C9orf43: variants seen among roughly 807,000 people sequenced by gnomAD.
The protein encoded by C9orf43 is chromosome 9 open reading frame 43, also known as uncharacterized protein C9orf43.
A neutral mutation model predicts 59.1 loss-of-function variants in C9orf43; 45 were observed. That is an observed-to-expected ratio of 0.76 (90% CI 0.60 to 0.98). The LOEUF (loss-of-function observed/expected upper bound fraction) is 0.98. Among genes scored for constraint, C9orf43 ranks in the 50% least tolerant of loss-of-function variants. C9orf43 has a pLI of 0.00. For missense variants in C9orf43, 533 were observed against 554.9 expected, an observed-to-expected ratio of 0.96 and a Z score of 0.40; for synonymous variants, 203 against 196.8, an observed-to-expected ratio of 1.03 and a Z score of -0.26.
At chr9:113,424,480 G>A (rs1361710912) in intron 8 of C9orf43, among the ~76,000 whole-genome samples, 164 bp downstream of exon 8, 6 of 151,434 alleles carry the variant, frequency 4.0e-5, no homozygotes, top group Non-Finnish European at 8.8e-5. Context: ...AAAGCCAGTC[G>A]ATGGGGAAGT....
rs773877768 is a variant in C9orf43, at chr9:113,413,603, G to A, written c.110G>A (p.Arg37Gln). Residue 37 changes from arginine (R) to glutamine (Q), a missense_variant, in exon 2 of 14, where the codon CGA (arginine) becomes CAA (glutamine). Transcript: ENST00000374165. ...CGCCGCATTGAGAGGGGCCATCCTCGAATCCTCGGCTCATCCTGCAAAACT... is the reference window on the plus strand; with the variant it reads ...CGCCGCATTGAGAGGGGCCATCCTCAAATCCTCGGCTCATCCTGCAAAACT... ...TIRRIERGHP[R>Q]ILGSSCKTPL... 1.1e-5 allele frequency: 18 copies of A among 1,614,076 alleles called. No individual in the cohort carries two copies. The highest frequency in any genetic ancestry group is 1.6e-4 in the Middle Eastern group (1 of 6,084).
chr9:113,425,834 T>C, intron 11 of C9orf43, 104 bp downstream of exon 11: 1 of 888,442 alleles, frequency 1.1e-6, no homozygotes, highest in Non-Finnish European at 1.9e-6. Context: ...AGACCTGCCT[T>C]TGTCAGGCAC....
chr9:113,425,758 G>A, intron 11 of C9orf43, 28 bp downstream of exon 11: 2 of 1,568,616 alleles, frequency 1.3e-6, no homozygotes, highest in South Asian at 1.1e-5. Flanking sequence ...TTGGTTGGGG[G>A]TGATAGGATC....
At chr9:113,428,119 A>C (rs1445700924) in intron 11 of C9orf43, 28 bp from the exon 12 acceptor site, 2 of 1,612,250 alleles carry the variant, frequency 1.2e-6, no homozygotes, top group Non-Finnish European at 1.7e-6. Flanking sequence ...TAATAAGAGG[A>C]AGATTGAATG....
intron 6 of C9orf43, 87 bp downstream of exon 6, chr9:113,422,672 C>A (rs1351649859): frequency 6.9e-7 from 1 of 1,456,934 alleles, no homozygotes; most frequent in African/African-American, 1.4e-5. Flanking sequence ...CCACCTTACC[C>A]CCGTTCTTTC....
chr9:113,424,873 C>T (rs1423784359), intron 8 of C9orf43, 146 bp from the exon 9 acceptor site: 1 of 657,360 alleles, frequency 1.5e-6, no homozygotes. Context: ...TTTTCCCTTC[C>T]TCCGTAGCCC....
chr9:113,424,944 C>T (rs1011843365), intron 8 of C9orf43, 75 bp from the exon 9 acceptor site: 92 of 1,290,624 alleles, frequency 7.1e-5, no homozygotes, highest in Non-Finnish European at 8.1e-5. Flanking sequence ...GATGAATAAA[C>T]GCATTTGGGG....
intron 3 of C9orf43, among the ~76,000 whole-genome samples, chr9:113,417,290 TA>T (rs766563093): frequency 6.6e-6 from 1 of 152,246 alleles, no homozygotes; most frequent in Non-Finnish European, 1.5e-5. Flanking sequence ...TCTTCCAAAC[TA>T]CCCCCAGTAC....
chr9:113,427,394 C>T (rs1456442788), intron 11 of C9orf43, among the ~76,000 whole-genome samples: 1 of 152,184 alleles, frequency 6.6e-6, no homozygotes, highest in African/African-American at 2.4e-5. Context: ...TCAGGCTGGT[C>T]TCGAACTCCC....
At position 113,424,284 on chromosome 9, in the gene C9orf43, A is replaced by G; in HGVS notation, c.775A>G (p.Met259Val). ...NRPDSVISSK[M>V]FLSIHRLTLE... ...ACCTGACAGTGTGATTTCTTCTAAG[A>G]TGTTTCTATCTATACACCGCCTCAC... Residue 259 changes from methionine to valine, a missense_variant, in exon 8 of 14, where the codon ATG becomes GTG. Transcript: ENST00000374165. 7 of 1,613,914 alleles carry G rather than the reference A, an allele frequency of 4.3e-6. No individual in the cohort carries two copies. Among genetic ancestry groups the G allele is most frequent in the African/African-American group, 1.3e-5 (1 of 75,026 alleles).
intron 9 of C9orf43, 106 bp from the exon 10 acceptor site, chr9:113,425,238 T>C (rs916467302): frequency 1.9e-6 from 3 of 1,547,006 alleles, no homozygotes; most frequent in East Asian, 4.5e-5. Flanking sequence ...CCCCTCTGGC[T>C]TGGTCCTTAC....
intron 9 of C9orf43, 112 bp downstream of exon 9, chr9:113,425,188 T>C: frequency 7.0e-7 from 1 of 1,434,912 alleles, no homozygotes; most frequent in South Asian, 1.2e-5. Context: ...TCATACAGGG[T>C]CACATGTAGA....
At chr9:113,417,528 A>C (rs1241983647) in intron 3 of C9orf43, among the ~76,000 whole-genome samples, 2 of 152,256 alleles carry the variant, frequency 1.3e-5, no homozygotes, top group Admixed American at 6.5e-5. Flanking sequence ...AGAAATAAGC[A>C]GTCCGTATGA....
chr9:113,425,341 C>T lies in C9orf43; in HGVS notation c.866-3C>T, dbSNP rs754654114. The stretch of plus-strand genomic sequence containing the variant: ...AGGATCAAGCTGGCTCTCTGGTCAC[C>T]AGGTTACAGGAAACAGCAGCAGCGG... On this transcript the variant is annotated splice_region_variant and splice_polypyrimidine_tract_variant and intron_variant, in intron 9 of 13. Coordinates refer to ENST00000374165, the MANE Select transcript of C9orf43 (RefSeq NM_001278629.2). 1.9e-6 allele frequency: 3 copies of T among 1,613,832 alleles called. No homozygotes were observed. The Admixed American group carries it at 5.0e-5, about 27-fold the overall frequency.
chr9:113,421,486 A>G (rs575278046), intron 5 of C9orf43, among the ~76,000 whole-genome samples: 387 of 152,048 alleles, frequency 2.5e-3, no homozygotes, highest in African/African-American at 8.3e-3. Context: ...ACTAAGAAAT[A>G]AATGCTCTCT....
chr9:113,411,752 C>T (rs1375188101), intron 1 of C9orf43, among the ~76,000 whole-genome samples: 2 of 152,196 alleles, frequency 1.3e-5, no homozygotes, highest in Admixed American at 6.5e-5. Context: ...GGTCTCGGCT[C>T]ACTGTAGCCT....
In C9orf43 at chr9:113,413,478, TA is replaced by T; in HGVS notation, c.-13del. The T allele has an allele frequency of 6.2e-7, 1 of 1,607,968 alleles. No homozygotes were observed. The highest frequency in any genetic ancestry group is 1.1e-5 in the South Asian group (1 of 90,920). On this transcript the variant is annotated 5_prime_UTR_variant, in exon 2 of 14. Transcript: ENST00000374165. ...AATGCTGCAGGGTTGGCCTTTGGCC[TA>T]AACCATTTCTAGCTATGGACTTGCC...
rs1357696526 is a variant in C9orf43 at position 113,428,164 on chromosome 9, G to C, written c.1048G>C (p.Gly350Arg). The C allele has an allele frequency of 1.2e-6, 2 of 1,614,076 alleles. No homozygotes were observed. The highest frequency in any genetic ancestry group is 1.7e-6 in the Non-Finnish European group (2 of 1,180,024). ...GTTACTAGGTTACAGAACTCTGCCA[G>C]GTCAGAACAGTGACATGAAGCAGCA... ...DRLYGYRTLPGQNSDMKQQQQ... is the reference protein window; with the variant it reads ...DRLYGYRTLPRQNSDMKQQQQ... Residue 350 changes from glycine to arginine, a missense_variant, in exon 12 of 14, where the codon GGT becomes CGT. By Grantham distance (125) the Gly-to-Arg change is moderately radical. Coordinates refer to ENST00000374165, the MANE Select transcript of C9orf43 (RefSeq NM_001278629.2).
rs370448386 is a variant in C9orf43, at chr9:113,424,119, C to T, written c.657-47C>T. 279 of 1,535,214 alleles carry T rather than the reference C, an allele frequency of 1.8e-4. 3 individuals carry two copies. The South Asian group carries it at 2.3e-3, about 13-fold the overall frequency. ...TCTCTTTCTCCTCAGCCATGCTTTC[C>T]GGGAAGAGCTGTTGCTGACTGTCTG... On this transcript the variant is annotated intron_variant, in intron 7 of 13. Coordinates refer to ENST00000374165, the MANE Select transcript of C9orf43 (RefSeq NM_001278629.2).
Sources: allele counts gnomAD v4.1 joint callset (sites outside exome capture counted in the v4.1 genomes callset), GRCh38; gene constraint gnomAD v4.1.1; transcripts MANE v1.5; gene names NCBI Gene and HGNC (gene_info 2026-07-23, HGNC 2026-07-21).